Variants in ADAMTS17 observed in about 807,000 individuals in gnomAD.
The protein encoded by ADAMTS17 is A disintegrin and metalloproteinase with thrombospondin motifs 17.
Under a neutral mutation model 141.5 loss-of-function variants are expected in ADAMTS17, and 113 were observed. The ratio of observed to expected loss-of-function variants is 0.80; its 90% CI spans 0.69 to 0.93. The LOEUF (loss-of-function observed/expected upper bound fraction) is 0.93, where lower values mean the gene tolerates loss of function less well. Among genes scored for constraint, ADAMTS17 ranks in the 40% least tolerant of loss-of-function variants. The probability of loss-of-function intolerance (pLI) is 0.00; values close to 1 mark genes in which losing one functional copy is unlikely to be tolerated. For synonymous variants in ADAMTS17, 768 were observed against 630.6 expected (o/e 1.22, Z -3.27); for missense variants, 1,659 against 1,517.9 (o/e 1.09, Z -1.54).
At chr15:100,002,928 C>A (rs1474114251) in intron 18 of ADAMTS17, among the ~76,000 whole-genome samples, 3 of 152,080 alleles carry the variant, frequency 2.0e-5, no homozygotes, top group Admixed American at 2.0e-4. Flanking sequence ...CAGCCCCCAG[C>A]ACATGAGGTG....
At chr15:100,083,094 T>C (rs548572229) in intron 15 of ADAMTS17, among the ~76,000 whole-genome samples, 4 of 152,322 alleles carry the variant, frequency 2.6e-5, no homozygotes, top group South Asian at 4.1e-4. Context: ...TGTGTGACCA[T>C]GTGACTTGAA....
At chr15:100,152,959 T>TTA (rs1320045134) in intron 9 of ADAMTS17, among the ~76,000 whole-genome samples, 197 bp from the exon 10 acceptor site, 2 of 151,220 alleles carry the variant, frequency 1.3e-5, no homozygotes, top group Non-Finnish European at 2.9e-5. Context: ...TGGCCAAATG[T>TTA]GAATCTTCGC....
At chr15:100,028,024 G>A (rs994119984) in intron 18 of ADAMTS17, among the ~76,000 whole-genome samples, 1 of 152,182 alleles carries the variant, frequency 6.6e-6, no homozygotes, top group Non-Finnish European at 1.5e-5. Flanking sequence ...GGAGGCTGCT[G>A]ACAAGCTGTA....
chr15:100,322,474 T>C (rs1298298972), intron 3 of ADAMTS17, among the ~76,000 whole-genome samples: 2 of 152,124 alleles, frequency 1.3e-5, no homozygotes, highest in Non-Finnish European at 2.9e-5. Flanking sequence ...TAAAATACTC[T>C]CCAGAGTAAT....
intron 7 of ADAMTS17, among the ~76,000 whole-genome samples, chr15:100,206,488 A>G (rs1371663824): frequency 6.6e-6 from 1 of 152,122 alleles, no homozygotes; most frequent in South Asian, 2.1e-4. Flanking sequence ...CTTGGCGCCT[A>G]TTTCGGTCAA....
intron 8 of ADAMTS17, among the ~76,000 whole-genome samples, chr15:100,172,691 T>C (rs753458685): frequency 2.6e-5 from 4 of 152,188 alleles, no homozygotes; most frequent in Non-Finnish European, 5.9e-5. Flanking sequence ...GCTTAGACTG[T>C]GCGGTCCCAC....
intron 20 of ADAMTS17, among the ~76,000 whole-genome samples, chr15:99,987,303 A>T (rs2060609504): frequency 6.6e-6 from 1 of 152,146 alleles, no homozygotes; most frequent in African/African-American, 2.4e-5. Flanking sequence ...TGAGCGGAAC[A>T]CCTGCTTAGC....
chr15:100,160,597 G>A (rs978136898), intron 8 of ADAMTS17, among the ~76,000 whole-genome samples: 2 of 152,220 alleles, frequency 1.3e-5, no homozygotes, highest in Non-Finnish European at 2.9e-5. Context: ...AAAGCGCTTG[G>A]AAAAGATGGC....
chr15:100,110,273 A>T (rs957120121), intron 13 of ADAMTS17, among the ~76,000 whole-genome samples: 15 of 130,836 alleles, frequency 1.1e-4, no homozygotes, highest in Non-Finnish European at 2.4e-4. Context: ...ACATATATAT[A>T]TATTTTTTTG....
chr15:100,093,143 G>A (rs2035569419), intron 15 of ADAMTS17, among the ~76,000 whole-genome samples: 2 of 152,054 alleles, frequency 1.3e-5, no homozygotes, highest in Admixed American at 6.5e-5. Context: ...ACAGGCTGGA[G>A]GGCGATAAAC....
chr15:100,200,453 G>A (rs2041284756), intron 7 of ADAMTS17, among the ~76,000 whole-genome samples: 1 of 151,866 alleles, frequency 6.6e-6, no homozygotes, highest in African/African-American at 2.4e-5. Context: ...CCCCACCACA[G>A]TACTCCCCGC....
chr15:100,170,717 T>C (rs542934247), intron 8 of ADAMTS17, among the ~76,000 whole-genome samples: 1 of 152,330 alleles, frequency 6.6e-6, no homozygotes, highest in African/African-American at 2.4e-5. Context: ...AGTACTTTTG[T>C]TTCCCTTTTA....
At chr15:100,135,002 C>G (rs73470014) in intron 10 of ADAMTS17, among the ~76,000 whole-genome samples, 2,959 of 152,264 alleles carry the variant, frequency 0.019, 63 homozygotes, top group African/African-American at 0.056. Flanking sequence ...ACTGTGGTGT[C>G]TGTGTGTGGA....
chr15:100,260,621 A>C (rs10459734), intron 6 of ADAMTS17, among the ~76,000 whole-genome samples: 1 of 151,676 alleles, frequency 6.6e-6, no homozygotes, highest in African/African-American at 2.4e-5. Flanking sequence ...TCTCAAAAAA[A>C]AAAAAACCAA....
intron 19 of ADAMTS17, among the ~76,000 whole-genome samples, chr15:99,994,218 T>C (rs1855059666): frequency 1.3e-5 from 2 of 152,212 alleles, no homozygotes; most frequent in African/African-American, 2.4e-5. Context: ...GGAAAGATGG[T>C]GTGCAGGAGG....
At chr15:99,984,873 C>T (rs913725209) in intron 20 of ADAMTS17, among the ~76,000 whole-genome samples, 6 of 152,234 alleles carry the variant, frequency 3.9e-5, no homozygotes, top group Non-Finnish European at 7.3e-5. Flanking sequence ...CAGGCTTCCC[C>T]GCTCTCTGAT....
At position 99,974,432 on chromosome 15, in the gene ADAMTS17, G is replaced by A; in HGVS notation, c.3258C>T (p.Asn1086=). 6.2e-7 allele frequency: 1 copy of A among 1,614,212 alleles called. No individual in the cohort carries two copies. The highest frequency in any genetic ancestry group is 2.2e-5 in the East Asian group (1 of 44,880). The change falls in exon 22 of 22, where the codon AAC becomes AAT. Residue 1086 remains asparagine (N), a synonymous_variant. Coordinates refer to ENST00000268070, the MANE Select transcript of ADAMTS17 (RefSeq NM_139057.4). ...CCQTCRDFYA[N]KMRQPPPNS ...AGTTCGGCGGTGGCTGGCGCATCTT[G>A]TTTGCATAGAAGTCCCTGCAGGTCT...
rs34161657 is a variant in ADAMTS17 at position 100,195,656 on chromosome 15, CA to C, written c.1181+3661del. Among the ~76,000 whole-genome samples, 253 of 137,480 alleles carry C rather than the reference CA, an allele frequency of 1.8e-3. 1 individual carries two copies. The highest frequency in any genetic ancestry group is 5.6e-3 in the African/African-American group (207 of 37,174). The allele number at this position is 137,480 out of a possible 152,430, so 90.2% of individuals were successfully genotyped here. On this transcript the variant is annotated intron_variant, in intron 8 of 21. Coordinates refer to ENST00000268070, the MANE Select transcript of ADAMTS17 (RefSeq NM_139057.4). ...AAAAAAGAAGCTGTCAATCTCATCT[CA>C]AAAAAAAAAATCTGTCAATCTCACC...
At chr15:100,210,884 G>A (rs574071891) in intron 7 of ADAMTS17, among the ~76,000 whole-genome samples, 12 of 152,158 alleles carry the variant, frequency 7.9e-5, no homozygotes, top group African/African-American at 2.4e-4. Flanking sequence ...GGCGGATCAC[G>A]AGGTCAGGAG....
Sources: allele counts gnomAD v4.1 joint callset (sites outside exome capture counted in the v4.1 genomes callset), GRCh38; gene constraint gnomAD v4.1.1; transcripts MANE v1.5; gene names NCBI Gene and HGNC (gene_info 2026-07-23, HGNC 2026-07-21).